The following SPAG9 variants were observed in gnomAD, a reference collection of about 807,000 sequenced individuals.
SPAG9 encodes the protein sperm associated antigen 9, also known as C-Jun-amino-terminal kinase-interacting protein 4.
SPAG9 carries 35 observed loss-of-function variants against 166.5 expected under a neutral mutation model. The ratio of observed to expected loss-of-function variants is 0.21; its 90% CI spans 0.16 to 0.28. The LOEUF is 0.28. Among genes scored for constraint, SPAG9 ranks in the 10% least tolerant of loss-of-function variants. The pLI, the probability that SPAG9 is intolerant of heterozygous loss-of-function variation, is 1.00. For synonymous variants in SPAG9, 534 were observed against 565.5 expected, an observed-to-expected ratio of 0.94 and a Z score of 0.79; for missense variants, 1,235 against 1,603.3, an observed-to-expected ratio of 0.77 and a Z score of 3.92.
chr17:51,001,911 G>A, intron 12 of SPAG9, 66 bp from the exon 13 acceptor site: 1 of 1,445,356 alleles, frequency 6.9e-7, no homozygotes, highest in Non-Finnish European at 9.4e-7. Context: ...TCATCTCAGA[G>A]TTATGCAAAA....
At chr17:51,077,753 T>C (rs778856301) in intron 2 of SPAG9, among the ~76,000 whole-genome samples, 1 of 151,992 alleles carries the variant, frequency 6.6e-6, no homozygotes, top group Non-Finnish European at 1.5e-5. Context: ...CAAGCTCAAG[T>C]GATCCTCCCA....
chr17:50,963,564 T>C lies in SPAG9; in HGVS notation c.*2708A>G, dbSNP rs1347797085. 6.6e-6 allele frequency: 1 copy of C among 152,228 alleles called. No individual in the cohort carries two copies. Among genetic ancestry groups the C allele is most frequent in the Admixed American group, 6.5e-5 (1 of 15,284 alleles). The allele number at this position is 152,228 out of a possible 1,614,324, so 9.4% of individuals were successfully genotyped here. On this transcript the variant is annotated 3_prime_UTR_variant, in exon 30 of 30. Coordinates refer to ENST00000262013, the MANE Select transcript of SPAG9 (RefSeq NM_001130528.3). ...TTTAGATAAAACAACTACACACCTA[T>C]ATTACTTAAGTTAAAGCCAGTAAGT...
chr17:50,966,610 T>G (rs2143530106), intron 29 of SPAG9, among the ~76,000 whole-genome samples: 1 of 152,338 alleles, frequency 6.6e-6, no homozygotes, highest in East Asian at 1.9e-4. Context: ...TTTTTCAGAC[T>G]GTATTTATAA....
Position 50,964,345 on chromosome 17 carries a change from C to G in SPAG9, c.*1927G>C, listed in dbSNP as rs568058570. Reference sequence around the variant, plus strand: ...GCTCACGCCTGTAATTCAAGCACTTCGGGAGGCCAAGGCGGGTAGATCATC... The same window carrying G: ...GCTCACGCCTGTAATTCAAGCACTTGGGGAGGCCAAGGCGGGTAGATCATC... On this transcript the variant is annotated 3_prime_UTR_variant, in exon 30 of 30. Transcript: ENST00000262013. The G allele has an allele frequency of 1.4e-4, 21 of 152,570 alleles. No homozygotes were observed. The highest frequency in any genetic ancestry group is 5.1e-4 in the African/African-American group (21 of 41,538). 9.5% of individuals were successfully genotyped at this position (152,570 alleles called of 1,614,324 possible).
At position 51,041,481 on chromosome 17, in the gene SPAG9, T is replaced by C. The variant is rs1437123724; in HGVS notation, c.741+20A>G. On this transcript the variant is annotated intron_variant, in intron 5 of 29. Coordinates refer to ENST00000262013, the MANE Select transcript of SPAG9 (RefSeq NM_001130528.3). ...TTTATGAAATATAAACTGACACAAT[T>C]TCAGCAGCATAAAGCTTACCTTCAG... 1.3e-5 allele frequency: 21 copies of C among 1,604,958 alleles called. No individual in the cohort carries two copies. Among genetic ancestry groups the C allele is most frequent in the African/African-American group, 2.7e-5 (2 of 74,366 alleles).
intron 3 of SPAG9, among the ~76,000 whole-genome samples, chr17:51,049,485 G>A (rs567681023): frequency 2.0e-4 from 30 of 152,202 alleles, no homozygotes; most frequent in African/African-American, 7.2e-4. Flanking sequence ...AGACCAACCT[G>A]AGCAACACAG....
intron 18 of SPAG9, among the ~76,000 whole-genome samples, chr17:50,994,589 A>G (rs966283566): frequency 6.6e-6 from 1 of 152,128 alleles, no homozygotes; most frequent in South Asian, 2.1e-4. Flanking sequence ...TCGTCTCTAC[A>G]AAAAATAAAA....
At chr17:51,051,432 C>A (rs2047181248) in intron 3 of SPAG9, among the ~76,000 whole-genome samples, 1 of 152,094 alleles carries the variant, frequency 6.6e-6, no homozygotes, top group Non-Finnish European at 1.5e-5. Context: ...ATTAAAAGTT[C>A]AGGGAGACTG....
chr17:51,104,578 G>A (rs1307382472), intron 1 of SPAG9, among the ~76,000 whole-genome samples: 2 of 152,084 alleles, frequency 1.3e-5, no homozygotes, highest in African/African-American at 4.8e-5. Flanking sequence ...GGAGGTGATG[G>A]CGAGGCGAGT....
chr17:51,042,973 C>T (rs2046895588), intron 4 of SPAG9, among the ~76,000 whole-genome samples: 1 of 152,122 alleles, frequency 6.6e-6, no homozygotes, highest in Non-Finnish European at 1.5e-5. Flanking sequence ...TCACTGCAAG[C>T]TCTGCCTCCC....
intron 1 of SPAG9, among the ~76,000 whole-genome samples, chr17:51,112,686 A>AC (rs2049151374): frequency 6.7e-6 from 1 of 150,086 alleles, no homozygotes. Flanking sequence ...AAAAAAAAAA[A>AC]AAAAAAAAAA....
intron 1 of SPAG9, among the ~76,000 whole-genome samples, chr17:51,116,942 G>T (rs531874274): frequency 9.2e-5 from 14 of 152,276 alleles, no homozygotes; most frequent in Admixed American, 6.6e-4. Flanking sequence ...ATGGGCAAAG[G>T]CATCAGACGG....
intron 2 of SPAG9, among the ~76,000 whole-genome samples, chr17:51,071,629 T>C (rs892832503): frequency 2.6e-5 from 4 of 152,234 alleles, no homozygotes; most frequent in Non-Finnish European, 4.4e-5. Flanking sequence ...CTTTTCAACA[T>C]TGTTAAATCA....
chr17:50,986,401 T>C (rs1380587438), intron 22 of SPAG9, among the ~76,000 whole-genome samples: 1 of 152,258 alleles, frequency 6.6e-6, no homozygotes, highest in African/African-American at 2.4e-5. Context: ...TAACCCTTAT[T>C]TGAAATGCTT....
intron 1 of SPAG9, among the ~76,000 whole-genome samples, chr17:51,103,077 G>C (rs9915304): frequency 6.6e-6 from 1 of 152,064 alleles, no homozygotes; most frequent in Non-Finnish European, 1.5e-5. Flanking sequence ...GAGAAGTCAT[G>C]GTTTTTCTGT....
intron 1 of SPAG9, among the ~76,000 whole-genome samples, chr17:51,089,091 C>CA (rs2048377025): frequency 6.7e-6 from 1 of 150,370 alleles, no homozygotes; most frequent in South Asian, 2.1e-4. Context: ...GATTCTGTCT[C>CA]AAAAACAAAA....
intron 1 of SPAG9, among the ~76,000 whole-genome samples, chr17:51,105,984 G>A (rs2048938071): frequency 6.6e-6 from 1 of 151,910 alleles, no homozygotes; most frequent in Non-Finnish European, 1.5e-5. Flanking sequence ...TAAAATTATG[G>A]CCAGGCGCAG....
At chr17:51,064,022 C>T (rs1429810997) in intron 2 of SPAG9, among the ~76,000 whole-genome samples, 2 of 152,194 alleles carry the variant, frequency 1.3e-5, no homozygotes, top group Admixed American at 6.5e-5. Context: ...GTATTATCCT[C>T]TAGCATAAGT....
rs1266346908 is a variant in SPAG9, at chr17:50,964,710, T to C, written c.*1562A>G. On this transcript the variant is annotated 3_prime_UTR_variant, in exon 30 of 30. Transcript: ENST00000262013. ...CAGCATCGTGGTTTTAAAAAACTTATTAAGCAAGAAAATCAGTGAAATCCA... is the reference window on the plus strand; with the variant it reads ...CAGCATCGTGGTTTTAAAAAACTTACTAAGCAAGAAAATCAGTGAAATCCA... The C allele has an allele frequency of 2.2e-6, 1 of 450,792 alleles. No individual in the cohort carries two copies. Among genetic ancestry groups the C allele is most frequent in the Non-Finnish European group, 4.5e-6 (1 of 224,446 alleles). 27.9% of individuals were successfully genotyped at this position (450,792 alleles called of 1,614,324 possible).
Sources: gnomAD v4.1 joint callset for allele counts (sites outside exome capture counted in the v4.1 genomes callset) on GRCh38, gnomAD v4.1.1 for gene constraint, MANE v1.5 for transcripts, NCBI Gene and HGNC (gene_info 2026-07-23, HGNC 2026-07-21) for gene names.